The following SPEN variants were observed in gnomAD, a reference collection of about 807,000 sequenced individuals.
The protein encoded by SPEN is msx2-interacting protein.
Under a neutral mutation model 269.9 loss-of-function variants are expected in SPEN, and 18 were observed. That is an observed-to-expected ratio of 0.07 (90% CI 0.05 to 0.10). The LOEUF (loss-of-function observed/expected upper bound fraction) is 0.10, where lower values mean the gene tolerates loss of function less well. Ranked by LOEUF, SPEN falls within the 10% of genes least tolerant of loss-of-function variation. The pLI is 1.00. For missense variants in SPEN, 3,822 were observed against 4,631.2 expected, an observed-to-expected ratio of 0.83 and a Z score of 5.07; for synonymous variants, 1,726 against 1,765.7, an observed-to-expected ratio of 0.98 and a Z score of 0.56.
intron 1 of SPEN, among the ~76,000 whole-genome samples, chr1:15,855,617 T>C (rs888733030): frequency 6.6e-6 from 1 of 152,108 alleles, no homozygotes; most frequent in Non-Finnish European, 1.5e-5. Flanking sequence ...CCCAGCACTT[T>C]GGGAGGCTGA....
intron 3 of SPEN, among the ~76,000 whole-genome samples, chr1:15,906,482 A>T: frequency 1.0e-5 from 1 of 96,592 alleles, no homozygotes; most frequent in African/African-American, 4.3e-5. Context: ...TTTTTTTGAG[A>T]CAGTCTCGCT....
In SPEN at chr1:15,934,161, A is replaced by G. The variant is rs2071250441; in HGVS notation, c.7921A>G (p.Lys2641Glu). 1 of 1,614,212 alleles carries G rather than the reference A, an allele frequency of 6.2e-7. No individual in the cohort carries two copies. The highest frequency in any genetic ancestry group is 1.3e-5 in the African/African-American group (1 of 75,058). Residue 2641 changes from lysine (K) to glutamate (E), a missense_variant, in exon 11 of 15, where the codon AAA becomes GAA. Around this residue, in one of 16 missense-constraint regions of SPEN, gnomAD observed 329 missense variants for 431.2 expected, o/e 0.76. Transcript: ENST00000375759. The surrounding 1 kb of genome is among the most constrained non-coding windows in gnomAD (Gnocchi z 9.2). ...AAATTCACAGAAGATAACCTTGGCA[A>G]AACCAGCTCCTCAAACCCTCACTGG... is the stretch of plus-strand genomic sequence containing the variant. ...LENSQKITLA[K>E]PAPQTLTGLV... is the part of the protein sequence containing the mutation.
intron 1 of SPEN, among the ~76,000 whole-genome samples, chr1:15,850,383 ATTCTT>A (rs199955760): frequency 0.011 from 1,384 of 125,756 alleles, 25 homozygotes; most frequent in African/African-American, 0.041. Context: ...TGTCCCTGAA[ATTCTT>A]TTATTTTAAA....
chr1:15,868,676 C>T (rs1225914998), intron 1 of SPEN, among the ~76,000 whole-genome samples: 7 of 152,072 alleles, frequency 4.6e-5, no homozygotes, highest in East Asian at 1.9e-4. Context: ...CCTCGTGATC[C>T]GCCTGCCTTG....
At position 15,922,460 on chromosome 1, in the gene SPEN, A is replaced by G. The variant is rs957357626; in HGVS notation, c.1850+111A>G. 10 of 658,060 alleles carry G rather than the reference A, an allele frequency of 1.5e-5. No homozygotes were observed. In the Middle Eastern group the frequency reaches 1.0e-3, roughly 68 times the overall value. The allele number at this position is 658,060 out of a possible 1,614,324, so 40.8% of individuals were successfully genotyped here. A position where few individuals can be genotyped will look rare whatever the true frequency, so the allele number is the denominator to read the frequency against. On this transcript the variant is annotated intron_variant, in intron 10 of 14. Transcript: ENST00000375759. ...CTCTTTACCCCTACTTTCATCTTCT[A>G]GAATAGAGAATGCTTCTCTTTTATC... is the stretch of plus-strand genomic sequence containing the variant.
chr1:15,927,093 G>A (rs1425147937), intron 10 of SPEN, among the ~76,000 whole-genome samples: 4 of 152,230 alleles, frequency 2.6e-5, no homozygotes, highest in Non-Finnish European at 4.4e-5. Context: ...ATGAATGAGT[G>A]AAGGAAGTAA....
At chr1:15,853,826 A>T (rs1034191123) in intron 1 of SPEN, among the ~76,000 whole-genome samples, 2 of 151,324 alleles carry the variant, frequency 1.3e-5, no homozygotes, top group African/African-American at 4.9e-5. Context: ...TTGCCACCAC[A>T]CCAGGCTAAT....
At position 15,860,377 on chromosome 1, in the gene SPEN, A is replaced by AGG. The variant is rs1184990710; in HGVS notation, c.83+12228_83+12229dup. On this transcript the variant is annotated intron_variant, in intron 1 of 14. Coordinates refer to ENST00000375759, the MANE Select transcript of SPEN (RefSeq NM_015001.3). ...ATCTCAGCCTCCCAAGTAGCTTCAG[A>AGG]GGTGTGTGTGTGTGTGTGTGTGTGT... Among the ~76,000 whole-genome samples the AGG allele has an allele frequency of 1.0e-4, 9 of 87,562 alleles. No individual in the cohort carries two copies. In the East Asian group the frequency reaches 1.6e-3, roughly 15 times the overall value. 57.4% of individuals were successfully genotyped at this position (87,562 alleles called of 152,430 possible).
At chr1:15,877,903 C>A (rs2070647658) in intron 3 of SPEN, among the ~76,000 whole-genome samples, 1 of 151,728 alleles carries the variant, frequency 6.6e-6, no homozygotes, top group Admixed American at 6.6e-5. Context: ...CATCACCATG[C>A]CAGGCCAATT....
In SPEN at chr1:15,935,872, G is replaced by A; in HGVS notation, c.9632G>A (p.Arg3211Lys). 1 of 1,613,618 alleles carries A rather than the reference G, an allele frequency of 6.2e-7. No individual in the cohort carries two copies. Among genetic ancestry groups the A allele is most frequent in the Non-Finnish European group, 8.5e-7 (1 of 1,179,988 alleles). Residue 3211 changes from arginine (R) to lysine (K), a missense_variant, in exon 11 of 15, where the codon AGG becomes AAG. Arg to Lys is a conservative substitution (Grantham distance 26). Coordinates refer to ENST00000375759, the MANE Select transcript of SPEN (RefSeq NM_015001.3). The surrounding 1 kb of genome is among the most constrained non-coding windows in gnomAD (Gnocchi z 7.7). ...GTGACGGCAGTCAGCGAGCAGCCCAGGGCCGCGGATGGGGTGGTGAAGGTG... is the reference window on the plus strand; with the variant it reads ...GTGACGGCAGTCAGCGAGCAGCCCAAGGCCGCGGATGGGGTGGTGAAGGTG... ...PHVTAVSEQP[R>K]AADGVVKVPP... is the part of the protein sequence containing the mutation.
At chr1:15,866,865 GC>G (rs1395889645) in intron 1 of SPEN, among the ~76,000 whole-genome samples, 2 of 152,094 alleles carry the variant, frequency 1.3e-5, no homozygotes, top group Non-Finnish European at 2.9e-5. Context: ...GTAGGATGTG[GC>G]ATACAGTTGA....
rs1036557801 is a variant in SPEN at position 15,879,702 on chromosome 1, G to T, written c.881+3024G>T. On this transcript the variant is annotated intron_variant, in intron 3 of 14. Transcript: ENST00000375759. ...TTTTTTTTTTTTGAGGCGGAGTCTCGCTCTGTCACCCAGGCTGGAATGCAG... is the reference window on the plus strand; with the variant it reads ...TTTTTTTTTTTTGAGGCGGAGTCTCTCTCTGTCACCCAGGCTGGAATGCAG... 3.3e-5 allele frequency among the ~76,000 whole-genome samples: 5 copies of T among 150,186 alleles called. No homozygotes were observed. In the Admixed American group the frequency reaches 3.3e-4, roughly 10 times the overall value.
intron 3 of SPEN, among the ~76,000 whole-genome samples, chr1:15,878,156 C>T (rs1320354303): frequency 1.3e-5 from 2 of 152,128 alleles, no homozygotes; most frequent in Non-Finnish European, 2.9e-5. Context: ...AAAAATGCTG[C>T]TATTCAATTT....
Position 15,930,716 on chromosome 1 carries a change from C to G in SPEN, c.4476C>G (p.Ser1492=). ...ACTCTGCTCCAAGACCTATTCCATCCTGGTACATGAAAAAGAAGAAAATTA... is the reference window on the plus strand; with the variant it reads ...ACTCTGCTCCAAGACCTATTCCATCGTGGTACATGAAAAAGAAGAAAATTA... ...KVDSAPRPIP[S]WYMKKKKIRT... The change falls in exon 11 of 15, where the codon TCC becomes TCG. Residue 1492 remains serine (S), a synonymous_variant. Coordinates refer to ENST00000375759, the MANE Select transcript of SPEN (RefSeq NM_015001.3). This position sits in a 1 kb window ranked among gnomAD's most constrained non-coding sequence, Gnocchi z 5.3. The G allele has an allele frequency of 1.9e-6, 3 of 1,613,652 alleles. No homozygotes were observed. The highest frequency in any genetic ancestry group is 2.5e-6 in the Non-Finnish European group (3 of 1,179,878).
At position 15,928,513 on chromosome 1, in the gene SPEN, G is replaced by T. The variant is rs753511718; in HGVS notation, c.2273G>T (p.Arg758Leu). The T allele has an allele frequency of 6.2e-7, 1 of 1,613,980 alleles. No homozygotes were observed. The highest frequency in any genetic ancestry group is 8.5e-7 in the Non-Finnish European group (1 of 1,180,022). Residue 758 changes from arginine (R) to leucine (L), a missense_variant, in exon 11 of 15, where the codon CGA becomes CTA. Transcript: ENST00000375759. The surrounding 1 kb of genome is among the most constrained non-coding windows in gnomAD (Gnocchi z 5.7). ...PSDSERRLYS[R>L]SSDRSGSCSS... is the part of the protein sequence containing the mutation. ...GATTCTGAGAGGAGGCTTTACAGCC[G>T]ATCCTCAGACCGGAGTGGAAGCTGT... is the stretch of plus-strand genomic sequence containing the variant.
Position 15,928,298 on chromosome 1 carries a change from T to A in SPEN, c.2058T>A (p.Asp686Glu), listed in dbSNP as rs958368414. 6.2e-7 allele frequency: 1 copy of A among 1,613,990 alleles called. No individual in the cohort carries two copies. Among genetic ancestry groups the A allele is most frequent in the African/African-American group, 1.3e-5 (1 of 74,904 alleles). ...DPREYRDYRNDPYEQDIREYS... is the reference protein window; with the variant it reads ...DPREYRDYRNEPYEQDIREYS... ...GGGAATACAGGGATTACAGGAATGA[T>A]CCTTATGAACAAGATATTAGGGAAT... is the stretch of plus-strand genomic sequence containing the variant. Residue 686 changes from aspartate to glutamate, a missense_variant, in exon 11 of 15, where the codon GAT becomes GAA. By Grantham distance (45) the Asp-to-Glu change is conservative. Coordinates refer to ENST00000375759, the MANE Select transcript of SPEN (RefSeq NM_015001.3). This position sits in a 1 kb window ranked among gnomAD's most constrained non-coding sequence, Gnocchi z 5.7.
At chr1:15,881,340 T>C (rs2070685881) in intron 3 of SPEN, among the ~76,000 whole-genome samples, 1 of 152,214 alleles carries the variant, frequency 6.6e-6, no homozygotes, top group South Asian at 2.1e-4. Flanking sequence ...TTGAGATCTC[T>C]GCTTTAGAAA....
intron 6 of SPEN, 139 bp from the exon 7 acceptor site, chr1:15,918,787 A>G: frequency 1.6e-6 from 1 of 626,158 alleles, no homozygotes; most frequent in Non-Finnish European, 2.7e-6. Context: ...CATTGTATTA[A>G]GGTGTACAGT....
At position 15,876,659 on chromosome 1, in the gene SPEN, A is replaced by G. The variant is rs371912619; in HGVS notation, c.862A>G (p.Ser288Gly). Reference sequence around the variant, plus strand: ...CAGTAGTGATTCAATCAGCAGCAGCAGTAGTACCAGCAGTGACAGGTAGGT... The same window carrying G: ...CAGTAGTGATTCAATCAGCAGCAGCGGTAGTACCAGCAGTGACAGGTAGGT... ...SSSSDSISSS[S>G]STSSDSSDSS... Residue 288 changes from serine to glycine, a missense_variant, in exon 3 of 15, where the codon AGT becomes GGT. Ser to Gly is a moderately conservative substitution (Grantham distance 56). Coordinates refer to ENST00000375759, the MANE Select transcript of SPEN (RefSeq NM_015001.3). 1.4e-5 allele frequency: 22 copies of G among 1,612,798 alleles called. No individual in the cohort carries two copies. The highest frequency in any genetic ancestry group is 2.7e-5 in the African/African-American group (2 of 74,934).
Sources: gnomAD v4.1 joint callset for allele counts (sites outside exome capture counted in the v4.1 genomes callset) on GRCh38, gnomAD v4.1.1 for gene constraint, gnomAD v4.1.1 regional missense constraint, Gnocchi (gnomAD v3.1) non-coding constraint, MANE v1.5 for transcripts, NCBI Gene and HGNC (gene_info 2026-07-23, HGNC 2026-07-21) for gene names.